The following NTN1 variants were observed in gnomAD, a reference collection of about 807,000 sequenced individuals.
The protein encoded by NTN1 is netrin 1.
A neutral mutation model predicts 54.2 loss-of-function variants in NTN1; 11 were observed. The observed-to-expected ratio is 0.20, with a 90% confidence interval of 0.13 to 0.34. The LOEUF is 0.34. NTN1 is among the 10% of genes least tolerant of loss of function. The pLI is 1.00. For synonymous variants in NTN1, 371 were observed against 382.0 expected (o/e 0.97, Z 0.33); for missense variants, 740 against 893.1 (o/e 0.83, Z 2.18).
chr17:9,074,319 A>T (rs1293270448), intron 2 of NTN1, among the ~76,000 whole-genome samples: 1 of 152,186 alleles, frequency 6.6e-6, no homozygotes, highest in East Asian at 1.9e-4. Context: ...ACTCATTCTC[A>T]TCAAGGGTCA....
intron 2 of NTN1, among the ~76,000 whole-genome samples, chr17:9,048,828 G>C (rs2091949829): frequency 6.6e-6 from 1 of 152,036 alleles, no homozygotes. Context: ...AGCTGATTTT[G>C]TATTTTTAGT....
chr17:9,235,791 G>A lies in NTN1; in HGVS notation c.1487-3849G>A, dbSNP rs1905968874. 2.1e-5 allele frequency among the ~76,000 whole-genome samples: 3 copies of A among 139,820 alleles called. No individual in the cohort carries two copies. In the South Asian group the frequency reaches 6.5e-4, roughly 30 times the overall value. 91.7% of individuals were successfully genotyped at this position (139,820 alleles called of 152,430 possible). A position where few individuals can be genotyped will look rare whatever the true frequency, so the allele number is the denominator to read the frequency against. ...GAGACAGAGTCTCGCCCTGTCCCCT[G>A]TCACCCAGGCTGGAGTGCAGTGGCG... is the stretch of plus-strand genomic sequence containing the variant. On this transcript the variant is annotated intron_variant, in intron 6 of 6. Transcript: ENST00000173229.
chr17:9,013,778 C>T, the NTN1 span, among the ~76,000 whole-genome samples: 3 of 152,190 alleles, frequency 2.0e-5, no homozygotes, highest in Non-Finnish European at 4.4e-5. Flanking sequence ...AGGCCCCCCA[C>T]TATTTTCTCC....
chr17:9,058,012 C>T (rs187445539), intron 2 of NTN1, among the ~76,000 whole-genome samples: 10 of 152,282 alleles, frequency 6.6e-5, no homozygotes, highest in East Asian at 3.9e-4. Context: ...CTCAGCCTCC[C>T]GAGTAGCTGG....
chr17:9,156,914 A>G (rs2092344182), intron 2 of NTN1, among the ~76,000 whole-genome samples: 1 of 151,514 alleles, frequency 6.6e-6, no homozygotes, highest in Non-Finnish European at 1.5e-5. Flanking sequence ...CCATCCATCC[A>G]TCCATCCATG....
chr17:9,045,302 G>T (rs1348046963), intron 2 of NTN1, among the ~76,000 whole-genome samples: 1 of 152,192 alleles, frequency 6.6e-6, no homozygotes, highest in African/African-American at 2.4e-5. Flanking sequence ...AGTCTGCAAG[G>T]AAAGGATGGT....
intron 2 of NTN1, among the ~76,000 whole-genome samples, chr17:9,124,089 C>T (rs2142263944): frequency 6.6e-6 from 1 of 152,310 alleles, no homozygotes; most frequent in African/African-American, 2.4e-5. Flanking sequence ...TGCCTGCCAC[C>T]TAGGAAAGGC....
intron 2 of NTN1, among the ~76,000 whole-genome samples, chr17:9,027,128 A>G (rs1268725798): frequency 2.6e-5 from 4 of 152,248 alleles, no homozygotes; most frequent in Admixed American, 2.6e-4. Context: ...GCCATGAGAA[A>G]TCCAATGCCC....
chr17:9,081,685 C>T (rs917781027), intron 2 of NTN1, among the ~76,000 whole-genome samples: 1 of 152,152 alleles, frequency 6.6e-6, no homozygotes, highest in African/African-American at 2.4e-5. Flanking sequence ...ATCTTCACTC[C>T]CGGGAAGAGG....
rs530339744 is a variant in NTN1, at chr17:9,135,138, C to T, written c.1019-27675C>T. ...ATTGTCCCCCAGCCCCTGATGCTCCCGGCCCATCCTCCCTTCTCTACCCCA... is the reference window on the plus strand; with the variant it reads ...ATTGTCCCCCAGCCCCTGATGCTCCTGGCCCATCCTCCCTTCTCTACCCCA... On this transcript the variant is annotated intron_variant, in intron 2 of 6. Transcript: ENST00000173229. This position sits in a 1 kb window ranked among gnomAD's most constrained non-coding sequence, Gnocchi z 4.4. Among the ~76,000 whole-genome samples the T allele has an allele frequency of 3.4e-4, 52 of 152,246 alleles. No individual in the cohort carries two copies. Among genetic ancestry groups the T allele is most frequent in the Admixed American group, 9.8e-4 (15 of 15,302 alleles).
chr17:9,005,204 C>T, the NTN1 span, among the ~76,000 whole-genome samples: 1 of 152,208 alleles, frequency 6.6e-6, no homozygotes, highest in African/African-American at 2.4e-5. Flanking sequence ...CCCCTTGTGG[C>T]TTTCGGGTTC....
intron 2 of NTN1, among the ~76,000 whole-genome samples, chr17:9,080,367 C>A (rs1216889331): frequency 6.6e-6 from 1 of 152,212 alleles, no homozygotes; most frequent in Admixed American, 6.6e-5. Context: ...TCAGGTCTCA[C>A]CGATCCCATT....
intron 2 of NTN1, among the ~76,000 whole-genome samples, chr17:9,078,693 A>C (rs1438450420): frequency 6.6e-6 from 1 of 152,184 alleles, no homozygotes; most frequent in Non-Finnish European, 1.5e-5. Context: ...TAAGATAGAA[A>C]AGTGAGACTC....
At chr17:9,220,734 C>T (rs1250827425) in intron 5 of NTN1, among the ~76,000 whole-genome samples, 1 of 152,024 alleles carries the variant, frequency 6.6e-6, no homozygotes, top group African/African-American at 2.4e-5. Context: ...GAGGCCTGAC[C>T]CCAGCCAGAG....
At chr17:9,100,961 CCTA>C (rs1462887249) in intron 2 of NTN1, among the ~76,000 whole-genome samples, 3 of 152,198 alleles carry the variant, frequency 2.0e-5, no homozygotes, top group Admixed American at 1.3e-4. Context: ...CTACCAGTTT[CCTA>C]CCATTGAGAT....
intron 6 of NTN1, among the ~76,000 whole-genome samples, chr17:9,232,109 C>A (rs1482738553): frequency 6.6e-6 from 1 of 152,164 alleles, no homozygotes; most frequent in African/African-American, 2.4e-5. Context: ...ACTCTGACAG[C>A]CATGTCCCTG....
intron 3 of NTN1, among the ~76,000 whole-genome samples, chr17:9,169,592 C>T (rs759387924): frequency 9.2e-5 from 14 of 152,318 alleles, no homozygotes; most frequent in South Asian, 2.1e-4. Context: ...TGGCTGGGTG[C>T]GGTGGCTCAC....
chr17:9,064,717 T>C (rs2092009433), intron 2 of NTN1, among the ~76,000 whole-genome samples: 1 of 152,218 alleles, frequency 6.6e-6, no homozygotes, highest in African/African-American at 2.4e-5. Flanking sequence ...TTCCTTGGTT[T>C]CCTGCTTCCA....
intron 2 of NTN1, among the ~76,000 whole-genome samples, chr17:9,134,977 G>T (rs1460951555): frequency 6.6e-6 from 1 of 152,130 alleles, no homozygotes; most frequent in African/African-American, 2.4e-5. Context: ...TCCAGACCCA[G>T]GGGGTGCTGC....
Sources: gnomAD v4.1 joint callset for allele counts (sites outside exome capture counted in the v4.1 genomes callset) on GRCh38, gnomAD v4.1.1 for gene constraint, Gnocchi (gnomAD v3.1) non-coding constraint, MANE v1.5 for transcripts, NCBI Gene and HGNC (gene_info 2026-07-23, HGNC 2026-07-21) for gene names.